The following PARL variants were observed in gnomAD, a reference collection of about 807,000 sequenced individuals.
The protein encoded by PARL is presenilin-associated rhomboid-like protein, mitochondrial.
In PARL, 44 loss-of-function variants were observed where a neutral mutation model predicts 51.6. That is an observed-to-expected ratio of 0.85 (90% CI 0.67 to 1.10). The LOEUF (loss-of-function observed/expected upper bound fraction) is 1.10, where lower values mean the gene tolerates loss of function less well. Among genes scored for constraint, PARL ranks in the 50% least tolerant of loss-of-function variants. The probability of loss-of-function intolerance (pLI) is 0.00; values close to 1 mark genes in which losing one functional copy is unlikely to be tolerated. For missense variants in PARL, 441 were observed against 469.5 expected (o/e 0.94, Z 0.56); for synonymous variants, 172 against 164.0 (o/e 1.05, Z -0.37).
In PARL at chr3:183,862,748, C is replaced by G; in HGVS notation, c.511+5G>C. The G allele has an allele frequency of 1.9e-6, 3 of 1,612,212 alleles. No individual in the cohort carries two copies. Among genetic ancestry groups the G allele is most frequent in the Non-Finnish European group, 2.5e-6 (3 of 1,178,210 alleles). ...AATGGTTAAAACGTGTAAGCTAACA[C>G]AAACCTGTCACAGTCCGCTGGCCAT... On this transcript the variant is annotated splice_donor_5th_base_variant and intron_variant, in intron 4 of 9. Transcript: ENST00000317096.
intron 7 of PARL, 70 bp from the exon 8 acceptor site, chr3:183,833,895 G>A (rs1411476670): frequency 4.2e-6 from 4 of 959,524 alleles, no homozygotes; most frequent in South Asian, 2.6e-5. Flanking sequence ...AAGGTCTAAA[G>A]AGCAGCACAT....
intron 1 of PARL, among the ~76,000 whole-genome samples, chr3:183,868,473 C>T (rs756095620): frequency 2.6e-5 from 4 of 151,992 alleles, no homozygotes; most frequent in African/African-American, 4.8e-5. Context: ...CTCAGTGGTA[C>T]GATCATGGCT....
chr3:183,869,452 C>T (rs1732915040), intron 1 of PARL, among the ~76,000 whole-genome samples: 1 of 152,072 alleles, frequency 6.6e-6, no homozygotes, highest in Admixed American at 6.6e-5. Context: ...AGGTGATCCA[C>T]CCGCATTGGC....
chr3:183,854,742 T>TTTTTTTAA (rs1560401623), intron 4 of PARL, among the ~76,000 whole-genome samples: 1 of 140,156 alleles, frequency 7.1e-6, no homozygotes. Context: ...TTTTTTTTTT[T>TTTTTTTAA]ACAATTAAAA....
intron 3 of PARL, among the ~76,000 whole-genome samples, chr3:183,863,819 TTCA>T (rs1311253443): frequency 6.6e-6 from 1 of 152,214 alleles, no homozygotes; most frequent in Non-Finnish European, 1.5e-5. Context: ...TCCCAGGACT[TTCA>T]TGTTTCCATG....
rs114465659 is a variant in PARL, at chr3:183,843,153, G to A, written c.608-706C>T. The A allele has an allele frequency of 6.9e-4, 663 of 960,714 alleles. 3 individuals carry two copies. In the African/African-American group the frequency reaches 0.011, roughly 16 times the overall value. 59.5% of individuals were successfully genotyped at this position (960,714 alleles called of 1,614,324 possible). On this transcript the variant is annotated intron_variant, in intron 5 of 9. Transcript: ENST00000317096. The stretch of plus-strand genomic sequence containing the variant: ...CCTGCCTCAGCCTCCCCAAGTGCTG[G>A]GATTATAGATGTGAGTCACTATGCC...
intron 1 of PARL, among the ~76,000 whole-genome samples, chr3:183,875,339 T>G (rs1217993331): frequency 3.0e-5 from 4 of 131,752 alleles, no homozygotes; most frequent in Non-Finnish European, 6.1e-5. Context: ...CGCTTGAACC[T>G]GGGAGATGGA....
chr3:183,869,112 T>C (rs1309880610), intron 1 of PARL, among the ~76,000 whole-genome samples: 2 of 152,190 alleles, frequency 1.3e-5, no homozygotes, highest in Non-Finnish European at 1.5e-5. Context: ...CCCATATAAA[T>C]TCTTGAAACA....
chr3:183,870,293 T>C (rs905028170), intron 1 of PARL, among the ~76,000 whole-genome samples: 2 of 131,816 alleles, frequency 1.5e-5, no homozygotes, highest in African/African-American at 5.9e-5. Flanking sequence ...AAAAAAAATC[T>C]AGAAGTCATT....
intron 7 of PARL, among the ~76,000 whole-genome samples, chr3:183,838,723 A>T (rs1297784604): frequency 2.0e-5 from 3 of 152,160 alleles, no homozygotes; most frequent in Non-Finnish European, 2.9e-5. Flanking sequence ...CAGAACCAGG[A>T]TTCACCCCCA....
rs748992472 is a variant in PARL at position 183,884,769 on chromosome 3, G to A, written c.78C>T (p.Cys26=). The A allele has an allele frequency of 3.2e-6, 5 of 1,582,704 alleles. No homozygotes were observed. In the South Asian group the frequency reaches 5.7e-5, roughly 18 times the overall value. Residue 26 remains cysteine (C), a synonymous_variant, in exon 1 of 10, where the codon TGC becomes TGT. Coordinates refer to ENST00000317096, the MANE Select transcript of PARL (RefSeq NM_018622.7). ...GGGTTAGGACCGCAGTGAGCTCCTC[G>A]CAGCTGCGGCCGCCCACCGACGCAC... ...AWGASVGGRS[C]EELTAVLTPP...
chr3:183,879,285 C>T (rs1341025123), intron 1 of PARL, among the ~76,000 whole-genome samples: 1 of 152,218 alleles, frequency 6.6e-6, no homozygotes, highest in Non-Finnish European at 1.5e-5. Context: ...CAAGGATGGG[C>T]ACCTGTCCCA....
At chr3:183,872,219 C>T (rs536146359) in intron 1 of PARL, among the ~76,000 whole-genome samples, 10 of 152,180 alleles carry the variant, frequency 6.6e-5, no homozygotes, top group African/African-American at 1.7e-4. Flanking sequence ...TCAGGCTGGT[C>T]GCGAACTCCT....
intron 6 of PARL, among the ~76,000 whole-genome samples, chr3:183,841,748 C>T (rs770695400): frequency 2.6e-5 from 4 of 152,228 alleles, no homozygotes; most frequent in African/African-American, 4.8e-5. Context: ...AAATAAGAAA[C>T]GATACCATCT....
chr3:183,855,142 G>T (rs1412047953), intron 4 of PARL, among the ~76,000 whole-genome samples: 16 of 152,158 alleles, frequency 1.1e-4, no homozygotes, highest in Non-Finnish European at 1.5e-4. Context: ...AGGCTGAGGG[G>T]AAGGAGGGAA....
chr3:183,857,289 A>G (rs1731280269), intron 4 of PARL, among the ~76,000 whole-genome samples: 1 of 152,218 alleles, frequency 6.6e-6, no homozygotes, highest in African/African-American at 2.4e-5. Flanking sequence ...TGTGCTGGTA[A>G]TTTCCATTTA....
chr3:183,882,344 CATAT>C (rs1230251408), intron 1 of PARL, among the ~76,000 whole-genome samples: 37 of 138,564 alleles, frequency 2.7e-4, no homozygotes, highest in Non-Finnish European at 4.9e-4. Context: ...TATACACACA[CATAT>C]ATACATATAT....
intron 4 of PARL, 77 bp downstream of exon 4, chr3:183,862,676 A>T (rs1731973056): frequency 8.2e-6 from 9 of 1,091,684 alleles, no homozygotes; most frequent in Non-Finnish European, 1.3e-5. Flanking sequence ...TACAAGAGCC[A>T]TTGCTTGTGA....
chr3:183,837,258 A>G (rs1263003681), intron 7 of PARL, among the ~76,000 whole-genome samples: 1 of 152,080 alleles, frequency 6.6e-6, no homozygotes, highest in Admixed American at 6.5e-5. Flanking sequence ...GATTCAATCA[A>G]TGTTGTGGTG....
Sources: gnomAD v4.1 joint callset for allele counts (sites outside exome capture counted in the v4.1 genomes callset) on GRCh38, gnomAD v4.1.1 for gene constraint, MANE v1.5 for transcripts, NCBI Gene and HGNC (gene_info 2026-07-23, HGNC 2026-07-21) for gene names.